Variants in SPATA17 observed in about 807,000 individuals in gnomAD.
The protein encoded by SPATA17 is spermatogenesis-associated protein 17.
SPATA17 carries 53 observed loss-of-function variants against 62.2 expected under a neutral mutation model. The observed-to-expected ratio is 0.85, with a 90% CI of 0.68 to 1.07. The LOEUF is 1.07. Among genes scored for constraint, SPATA17 ranks in the 50% least tolerant of loss-of-function variants. SPATA17 has a pLI of 0.00. For missense variants in SPATA17, 466 were observed against 425.5 expected, an observed-to-expected ratio of 1.10 and a Z score of -0.84; for synonymous variants, 146 against 146.8, an observed-to-expected ratio of 0.99 and a Z score of 0.04.
intron 7 of SPATA17, among the ~76,000 whole-genome samples, chr1:217,776,162 A>G (rs908749021): frequency 1.3e-5 from 2 of 152,176 alleles, no homozygotes; most frequent in African/African-American, 4.8e-5. Context: ...CTATAACTAG[A>G]TTGTAGTACA....
At chr1:217,756,241 G>A (rs1673038879) in intron 6 of SPATA17, among the ~76,000 whole-genome samples, 1 of 151,652 alleles carries the variant, frequency 6.6e-6, no homozygotes, top group South Asian at 2.1e-4. Context: ...AAACAAGATT[G>A]TAAGTAAAAC....
At chr1:217,759,833 T>C (rs1420659076) in intron 6 of SPATA17, among the ~76,000 whole-genome samples, 1 of 152,164 alleles carries the variant, frequency 6.6e-6, no homozygotes, top group African/African-American at 2.4e-5. Flanking sequence ...AATTATTTGG[T>C]CATAAGCAAT....
chr1:217,794,937 A>C (rs980380079), intron 8 of SPATA17, among the ~76,000 whole-genome samples: 1 of 152,228 alleles, frequency 6.6e-6, no homozygotes, highest in African/African-American at 2.4e-5. Flanking sequence ...CACAAAAATC[A>C]TTCTCATTAA....
intron 9 of SPATA17, among the ~76,000 whole-genome samples, chr1:217,834,529 T>G (rs1675218116): frequency 6.6e-6 from 1 of 152,108 alleles, no homozygotes; most frequent in Admixed American, 6.6e-5. Context: ...TATTTATGTC[T>G]TATTTTTTAA....
intron 6 of SPATA17, among the ~76,000 whole-genome samples, chr1:217,770,361 A>G (rs748967862): frequency 6.6e-6 from 1 of 152,156 alleles, no homozygotes; most frequent in Non-Finnish European, 1.5e-5. Context: ...TCTTCCACCT[A>G]TCCTGAATAC....
At chr1:217,752,362 G>A (rs963626579) in intron 6 of SPATA17, among the ~76,000 whole-genome samples, 1 of 152,102 alleles carries the variant, frequency 6.6e-6, no homozygotes, top group Non-Finnish European at 1.5e-5. Context: ...ATCATTTCAA[G>A]CACATTTCAA....
intron 5 of SPATA17, among the ~76,000 whole-genome samples, chr1:217,696,250 G>A (rs945214529): frequency 1.3e-5 from 2 of 152,174 alleles, no homozygotes; most frequent in African/African-American, 2.4e-5. Context: ...GGAGTGACCC[G>A]ATTTTCCAGG....
At chr1:217,796,126 C>T (rs1183701143) in intron 8 of SPATA17, among the ~76,000 whole-genome samples, 1 of 152,114 alleles carries the variant, frequency 6.6e-6, no homozygotes, top group Non-Finnish European at 1.5e-5. Context: ...CGTAAAATAT[C>T]TAAGTTCATC....
At chr1:217,774,748 T>A (rs1673547190) in intron 7 of SPATA17, among the ~76,000 whole-genome samples, 1 of 152,184 alleles carries the variant, frequency 6.6e-6, no homozygotes, top group African/African-American at 2.4e-5. Flanking sequence ...TCCATTTCCC[T>A]TTGCCCCATC....
intron 7 of SPATA17, among the ~76,000 whole-genome samples, chr1:217,776,145 A>C (rs1673584117): frequency 1.3e-5 from 2 of 152,152 alleles, no homozygotes; most frequent in South Asian, 4.1e-4. Context: ...GAGATGGGAA[A>C]TCTTCCCTAT....
At chr1:217,655,662 CATTT>C (rs1027025868) in intron 3 of SPATA17, among the ~76,000 whole-genome samples, 40 of 152,010 alleles carry the variant, frequency 2.6e-4, no homozygotes, top group African/African-American at 9.2e-4. Flanking sequence ...TCCTCTCTTC[CATTT>C]ATTTATTTAT....
At chr1:217,842,503 T>C (rs1005316984) in intron 9 of SPATA17, among the ~76,000 whole-genome samples, 3 of 152,000 alleles carry the variant, frequency 2.0e-5, no homozygotes, top group African/African-American at 7.2e-5. Flanking sequence ...TTCTATTTCT[T>C]ATTTTGTTTG....
At chr1:217,720,188 T>G (rs1186385919) in intron 5 of SPATA17, among the ~76,000 whole-genome samples, 1 of 152,200 alleles carries the variant, frequency 6.6e-6, no homozygotes, top group Non-Finnish European at 1.5e-5. Flanking sequence ...AGGTAAAATG[T>G]TACAGATCCA....
Position 217,700,871 on chromosome 1 carries a change from G to T in SPATA17, c.395+17510G>T, listed in dbSNP as rs190145801. ...TCCACCCGCCTCAGTCTCCCAAAGTGCTGGGATTACGGTTATGAGGCACCG... is the reference window on the plus strand; with the variant it reads ...TCCACCCGCCTCAGTCTCCCAAAGTTCTGGGATTACGGTTATGAGGCACCG... On this transcript the variant is annotated intron_variant, in intron 5 of 10. Coordinates refer to ENST00000366933, the MANE Select transcript of SPATA17 (RefSeq NM_138796.4). Among the ~76,000 whole-genome samples the T allele has an allele frequency of 4.0e-5, 6 of 150,678 alleles. No homozygotes were observed. In the East Asian group the frequency reaches 1.2e-3, roughly 29 times the overall value.
At chr1:217,656,984 G>A (rs1261554557) in intron 3 of SPATA17, among the ~76,000 whole-genome samples, 3 of 152,168 alleles carry the variant, frequency 2.0e-5, no homozygotes, top group African/African-American at 7.2e-5. Context: ...TTTACACGGA[G>A]TTCCTGTGGG....
chr1:217,706,683 G>A (rs540351548), intron 5 of SPATA17, among the ~76,000 whole-genome samples: 2 of 152,292 alleles, frequency 1.3e-5, no homozygotes, highest in African/African-American at 4.8e-5. Context: ...GTCTCAGGAA[G>A]TACTTTATAG....
chr1:217,676,315 G>T (rs1410555483), intron 4 of SPATA17, among the ~76,000 whole-genome samples: 2 of 152,106 alleles, frequency 1.3e-5, no homozygotes, highest in Non-Finnish European at 2.9e-5. Flanking sequence ...ATAACAAAGA[G>T]AATTTGTCAT....
At chr1:217,646,684 C>T (rs1437147980) in intron 1 of SPATA17, among the ~76,000 whole-genome samples, 1 of 152,056 alleles carries the variant, frequency 6.6e-6, no homozygotes, top group Non-Finnish European at 1.5e-5. Context: ...ATCACGAGAT[C>T]AGGAGTTCAA....
intron 9 of SPATA17, among the ~76,000 whole-genome samples, chr1:217,817,735 A>G (rs187765404): frequency 2.1e-4 from 32 of 152,200 alleles, no homozygotes; most frequent in Admixed American, 1.9e-3. Context: ...TATATTACGT[A>G]AGTCTAATAT....
Sources: allele counts gnomAD v4.1 joint callset (sites outside exome capture counted in the v4.1 genomes callset), GRCh38; gene constraint gnomAD v4.1.1; transcripts MANE v1.5; gene names NCBI Gene and HGNC (gene_info 2026-07-23, HGNC 2026-07-21).